ARK2C: variants seen among roughly 807,000 people sequenced by gnomAD.
ARK2C encodes the protein E3 ubiquitin-protein ligase ARK2C.
chr18:46,383,399 A>G, the ARK2C span, among the ~76,000 whole-genome samples: 1 of 152,258 alleles, frequency 6.6e-6, no homozygotes, highest in African/African-American at 2.4e-5. Flanking sequence ...TATATATAAA[A>G]TATGTATACA....
chr18:46,431,533 A>G, the ARK2C span, among the ~76,000 whole-genome samples: 1 of 152,172 alleles, frequency 6.6e-6, no homozygotes. Flanking sequence ...TGGAGGGTGC[A>G]GGGGAGGGGC....
At chr18:46,406,469 C>G in the ARK2C span, among the ~76,000 whole-genome samples, 1 of 152,230 alleles carries the variant, frequency 6.6e-6, no homozygotes, top group Non-Finnish European at 1.5e-5. Flanking sequence ...AACCCAAGAG[C>G]AGGATGTCCT....
chr18:46,340,367 T>C, the ARK2C span, among the ~76,000 whole-genome samples: 8 of 152,320 alleles, frequency 5.3e-5, no homozygotes, highest in Admixed American at 5.2e-4. Flanking sequence ...TGTGTTTAGT[T>C]GTTCATTCAT....
At chr18:46,455,044 T>A in the ARK2C span, among the ~76,000 whole-genome samples, 1 of 152,228 alleles carries the variant, frequency 6.6e-6, no homozygotes, top group Admixed American at 6.5e-5. Flanking sequence ...TATTTTCAAA[T>A]AATCAGCATA....
the ARK2C span, among the ~76,000 whole-genome samples, chr18:46,347,691 T>G: frequency 6.6e-6 from 1 of 152,164 alleles, no homozygotes; most frequent in East Asian, 1.9e-4. Flanking sequence ...TATATGGCTA[T>G]CTGCTAGGGA....
At chr18:46,346,108 G>A in the ARK2C span, among the ~76,000 whole-genome samples, 1 of 152,198 alleles carries the variant, frequency 6.6e-6, no homozygotes, top group Non-Finnish European at 1.5e-5. Context: ...CTTGAGGACA[G>A]CTTGGGTTTA....
At chr18:46,456,016 G>A in the ARK2C span, 9 of 1,613,534 alleles carry the variant, frequency 5.6e-6, no homozygotes, top group Non-Finnish European at 7.6e-6. Context: ...TGAGGGGGAG[G>A]AGTCAGACAC....
the ARK2C span, among the ~76,000 whole-genome samples, chr18:46,397,897 AG>A: frequency 2.6e-4 from 24 of 92,596 alleles, no homozygotes; most frequent in South Asian, 4.1e-4. Context: ...CTGAGGTGTG[AG>A]GGGGTGTGTG....
chr18:46,362,443 C>T, the ARK2C span, among the ~76,000 whole-genome samples: 275 of 152,210 alleles, frequency 1.8e-3, 1 homozygote, highest in Admixed American at 3.2e-3. Flanking sequence ...GGAGTGTGTG[C>T]GCGCCCCAAG....
At chr18:46,356,982 T>G in the ARK2C span, among the ~76,000 whole-genome samples, 2 of 152,316 alleles carry the variant, frequency 1.3e-5, no homozygotes, top group South Asian at 4.2e-4. Context: ...CAAGTGGCTT[T>G]GTCCAACTCC....
chr18:46,366,269 G>A, the ARK2C span, among the ~76,000 whole-genome samples: 2 of 132,348 alleles, frequency 1.5e-5, no homozygotes, highest in Non-Finnish European at 3.1e-5. Flanking sequence ...TCCAGCCTGG[G>A]CAACAAGAGC....
chr18:46,452,209 C>T, the ARK2C span, among the ~76,000 whole-genome samples: 1 of 152,172 alleles, frequency 6.6e-6, no homozygotes, highest in Non-Finnish European at 1.5e-5. Context: ...CACACTAATG[C>T]AAGATGTTAG....
chr18:46,399,017 C>G, the ARK2C span, among the ~76,000 whole-genome samples: 1 of 152,132 alleles, frequency 6.6e-6, no homozygotes. Flanking sequence ...CTGTGAGTTA[C>G]CACGACACCC....
chr18:46,355,929 T>A, the ARK2C span, among the ~76,000 whole-genome samples: 1,694 of 152,254 alleles, frequency 0.011, 24 homozygotes, highest in African/African-American at 0.038. Flanking sequence ...ATGATGATGA[T>A]GCAGATGGGC....
At chr18:46,440,368 C>T in the ARK2C span, among the ~76,000 whole-genome samples, 1 of 152,140 alleles carries the variant, frequency 6.6e-6, no homozygotes, top group Non-Finnish European at 1.5e-5. Flanking sequence ...TATTGTTAGC[C>T]TCTTACTGTG....
chr18:46,444,114 CTA>C, the ARK2C span, among the ~76,000 whole-genome samples: 2 of 151,962 alleles, frequency 1.3e-5, no homozygotes, highest in Non-Finnish European at 2.9e-5. Context: ...GATGGGAAAT[CTA>C]TGATTGTTCT....
the ARK2C span, among the ~76,000 whole-genome samples, chr18:46,356,188 C>A: frequency 6.6e-6 from 1 of 152,212 alleles, no homozygotes; most frequent in African/African-American, 2.4e-5. Flanking sequence ...TCCATTTATT[C>A]ATTCATTCTG....
the ARK2C span, among the ~76,000 whole-genome samples, chr18:46,442,071 G>T: frequency 6.6e-6 from 1 of 150,648 alleles, no homozygotes; most frequent in African/African-American, 2.4e-5. Flanking sequence ...GCTGAGGCAG[G>T]AGAATGGCGT....
At chr18:46,440,135 C>G in the ARK2C span, among the ~76,000 whole-genome samples, 11 of 152,120 alleles carry the variant, frequency 7.2e-5, no homozygotes, top group Admixed American at 2.0e-4. Context: ...GATCTCATGG[C>G]CAGTTTTACT....
Sources: gnomAD v4.1 joint callset for allele counts (sites outside exome capture counted in the v4.1 genomes callset) on GRCh38, gnomAD v4.1.1 for gene constraint, MANE v1.5 for transcripts, NCBI Gene and HGNC (gene_info 2026-07-23, HGNC 2026-07-21) for gene names.